The following ZDHHC20 variants were observed in gnomAD, a reference collection of about 807,000 sequenced individuals.
The protein encoded by ZDHHC20 is palmitoyltransferase ZDHHC20.
In ZDHHC20, 43 loss-of-function variants were observed where a neutral mutation model predicts 57.8. The observed-to-expected ratio is 0.74, with a 90% CI of 0.58 to 0.96. ZDHHC20 has a LOEUF of 0.96. Among genes scored for constraint, ZDHHC20 ranks in the 40% least tolerant of loss-of-function variants. The pLI is 0.00. For missense variants in ZDHHC20, 391 were observed against 441.1 expected, an observed-to-expected ratio of 0.89 and a Z score of 1.02; for synonymous variants, 157 against 153.0, an observed-to-expected ratio of 1.03 and a Z score of -0.19.
At chr13:21,455,633 GGTGTGTGT>G (rs3070118) in intron 1 of ZDHHC20, among the ~76,000 whole-genome samples, 2,200 of 148,158 alleles carry the variant, frequency 0.015, 29 homozygotes, top group South Asian at 0.037. Context: ...CCAGTGAAGT[GGTGTGTGT>G]GTGTGTGTGT....
intron 8 of ZDHHC20, among the ~76,000 whole-genome samples, chr13:21,388,303 G>A (rs917461723): frequency 6.6e-6 from 1 of 152,138 alleles, no homozygotes; most frequent in Admixed American, 6.6e-5. Context: ...AGGCACTTCA[G>A]TGTGTTTTAT....
At chr13:21,416,324 G>A (rs189069724) in intron 3 of ZDHHC20, among the ~76,000 whole-genome samples, 1 of 151,618 alleles carries the variant, frequency 6.6e-6, no homozygotes, top group South Asian at 2.1e-4. Context: ...TATTCAAACA[G>A]ATCATAATTT....
In ZDHHC20 at chr13:21,445,108, T is replaced by TA. The variant is rs1566113742; in HGVS notation, c.118+13945_118+13946insT. Among the ~76,000 whole-genome samples, 172 of 151,322 alleles carry TA rather than the reference T, an allele frequency of 1.1e-3. 2 individuals are homozygous for TA. The highest frequency in any genetic ancestry group is 4.0e-3 in the African/African-American group (167 of 41,294). Reference sequence around the variant, plus strand: ...TGTTTTACATGTATGTTTTATATATTTATATATATATATGGGAGAGGTTTT... The same window carrying TA: ...TGTTTTACATGTATGTTTTATATATTATATATATATATATGGGAGAGGTTTT... On this transcript the variant is annotated intron_variant, in intron 1 of 12. Transcript: ENST00000400590.
intron 3 of ZDHHC20, among the ~76,000 whole-genome samples, chr13:21,419,053 T>C (rs1880344611): frequency 6.6e-6 from 1 of 152,190 alleles, no homozygotes; most frequent in South Asian, 2.1e-4. Flanking sequence ...TCTTATTTCC[T>C]GAAATGAGAA....
At chr13:21,437,695 AT>A (rs36073800) in intron 1 of ZDHHC20, among the ~76,000 whole-genome samples, 80,572 of 147,952 alleles carry the variant, frequency 0.54, 23,093 homozygotes, top group Non-Finnish European at 0.67. Context: ...GCTTTACTGA[AT>A]TTTTTTTTTT....
rs756563613 is a variant in ZDHHC20 at position 21,381,554 on chromosome 13, AAAG to A, written c.945-8_945-6del. 4.4e-6 allele frequency: 7 copies of A among 1,596,742 alleles called. No homozygotes were observed. The South Asian group carries it at 6.6e-5, about 15-fold the overall frequency. On this transcript the variant is annotated splice_polypyrimidine_tract_variant and splice_region_variant and intron_variant, in intron 10 of 12. Transcript: ENST00000400590. Reference sequence around the variant, plus strand: ...AAAGGTTGATTTGAGCCACTACTGAAAAGAAGAGCAAACAACTTAGTAAACAGC... The same window carrying A: ...AAAGGTTGATTTGAGCCACTACTGAAAAGAGCAAACAACTTAGTAAACAGC...
chr13:21,384,144 T>C (rs920748409), intron 9 of ZDHHC20, among the ~76,000 whole-genome samples: 1 of 151,222 alleles, frequency 6.6e-6, no homozygotes, highest in African/African-American at 2.4e-5. Context: ...GGTGGGAGTT[T>C]TCAGGCTGAG....
intron 4 of ZDHHC20, among the ~76,000 whole-genome samples, chr13:21,410,712 C>T (rs866143326): frequency 6.6e-6 from 1 of 152,182 alleles, no homozygotes; most frequent in Non-Finnish European, 1.5e-5. Flanking sequence ...CCCCTCCCCC[C>T]ACCAAGCTCC....
chr13:21,408,914 C>T (rs761932789), intron 4 of ZDHHC20, among the ~76,000 whole-genome samples: 3 of 152,058 alleles, frequency 2.0e-5, no homozygotes, highest in Admixed American at 6.6e-5. Context: ...TTACATTTAT[C>T]GATTTGTGTA....
At position 21,459,114 on chromosome 13, in the gene ZDHHC20, G is replaced by A. The variant is rs1885180986; in HGVS notation, c.58C>T (p.Leu20Phe). Residue 20 changes from leucine (L) to phenylalanine (F), a missense_variant, in exon 1 of 13, where the codon CTC (leucine) becomes TTC (phenylalanine). Physicochemically the swap from Leu to Phe is conservative, Grantham distance 22 (BLOSUM62 0). This residue lies in a region of ZDHHC20 where 185 missense variants were observed against 188.0 expected (regional missense o/e 0.98). Transcript: ENST00000400590. ...CAGACGACCACGAAGGTGATGAAGA[G>A]CACCGGCACCCAGCCCACGACGCGC... ...CQRVVGWVPV[L>F]FITFVVVWSY... The A allele has an allele frequency of 4.4e-6, 7 of 1,607,780 alleles. No individual in the cohort carries two copies. The East Asian group carries it at 1.3e-4, about 31-fold the overall frequency.
At chr13:21,383,223 C>T (rs1211485276) in intron 9 of ZDHHC20, among the ~76,000 whole-genome samples, 2 of 152,128 alleles carry the variant, frequency 1.3e-5, no homozygotes, top group Admixed American at 1.3e-4. Context: ...TCCCATAATT[C>T]CCACTGTCAA....
intron 7 of ZDHHC20, among the ~76,000 whole-genome samples, chr13:21,393,748 G>C (rs1359066559): frequency 1.4e-5 from 2 of 139,964 alleles, no homozygotes; most frequent in African/African-American, 2.7e-5. Flanking sequence ...GTCTCACTAA[G>C]GCACCAGAGC....
chr13:21,397,236 G>C (rs564393990), intron 7 of ZDHHC20, among the ~76,000 whole-genome samples: 1 of 151,484 alleles, frequency 6.6e-6, no homozygotes, highest in South Asian at 2.1e-4. Flanking sequence ...CTCTGCTAGA[G>C]AATCACTTGA....
chr13:21,376,814 T>C (rs1490271299), intron 12 of ZDHHC20, among the ~76,000 whole-genome samples, 159 bp from the exon 13 acceptor site: 1 of 152,200 alleles, frequency 6.6e-6, no homozygotes, highest in African/African-American at 2.4e-5. Flanking sequence ...AAGATTTTTG[T>C]AGCAGTAAAT....
chr13:21,413,864 A>G (rs934387694), intron 3 of ZDHHC20, 92 bp from the exon 4 acceptor site: 1 of 1,105,816 alleles, frequency 9.0e-7, no homozygotes, highest in Admixed American at 2.9e-5. Flanking sequence ...AAAGAAAACC[A>G]AAAACTATTT....
chr13:21,425,661 C>A lies in ZDHHC20; in HGVS notation c.136G>T (p.Glu46Ter). 1 of 1,181,454 alleles carries A rather than the reference C, an allele frequency of 8.5e-7. No homozygotes were observed. Among genetic ancestry groups the A allele is most frequent in the Non-Finnish European group, 1.1e-6 (1 of 877,586 alleles). 73.2% of individuals were successfully genotyped at this position (1,181,454 alleles called of 1,614,324 possible). The change falls in exon 2 of 13, where the codon GAA becomes TAA. Residue 46 changes from glutamate (E) to a stop codon, truncating the protein, a stop_gained. Transcript: ENST00000400590. LOFTEE classifies it high-confidence loss of function. ...ACTAAAAGTGCCTTACCATTTTCTT[C>A]ATTTCCAAAAATAGTAACTAGAATA... The part of the protein sequence containing the change: ...ELCVFTIFGN[E>*]ENGKTVVYLV...
chr13:21,382,968 A>G lies in ZDHHC20; in HGVS notation c.896T>C (p.Met299Thr). The change falls in exon 10 of 13, where the codon ATG (methionine) becomes ACG (threonine). Residue 299 changes from methionine (M) to threonine (T), a missense_variant. Met to Thr is a moderately conservative substitution (Grantham distance 81). Coordinates refer to ENST00000400590, the MANE Select transcript of ZDHHC20 (RefSeq NM_001330059.2). ...GCSFPTRLVG[M>T]DPEQASVTNQ... ...TGTAACAGAAGCTTGTTCTGGATCC[A>G]TCCCCACAAGGCGAGTTGGAAAACT... The G allele has an allele frequency of 6.4e-7, 1 of 1,565,478 alleles. No individual in the cohort carries two copies. Among genetic ancestry groups the G allele is most frequent in the Non-Finnish European group, 8.7e-7 (1 of 1,153,946 alleles).
intron 1 of ZDHHC20, among the ~76,000 whole-genome samples, chr13:21,426,051 C>T (rs1233012575): frequency 3.3e-5 from 5 of 152,306 alleles, no homozygotes; most frequent in Admixed American, 2.0e-4. Flanking sequence ...GTACTCTTAT[C>T]AACCTCTTTG....
At chr13:21,384,724 T>C (rs1874137729) in intron 9 of ZDHHC20, among the ~76,000 whole-genome samples, 1 of 152,204 alleles carries the variant, frequency 6.6e-6, no homozygotes, top group African/African-American at 2.4e-5. Context: ...ACTGAACACA[T>C]GGATTTGGTA....
Sources: gnomAD v4.1 joint callset for allele counts (sites outside exome capture counted in the v4.1 genomes callset) on GRCh38, gnomAD v4.1.1 for gene constraint, gnomAD v4.1.1 regional missense constraint, MANE v1.5 for transcripts, NCBI Gene and HGNC (gene_info 2026-07-23, HGNC 2026-07-21) for gene names.